SHC4: variants seen among roughly 807,000 people sequenced by gnomAD.
SHC4 encodes the protein SHC adaptor protein 4.
In SHC4, 41 loss-of-function variants were observed where a neutral mutation model predicts 69.4. That is an observed-to-expected ratio of 0.59 (90% confidence interval 0.46 to 0.77). The LOEUF (loss-of-function observed/expected upper bound fraction) is 0.77, where lower values mean the gene tolerates loss of function less well. Among genes scored for constraint, SHC4 ranks in the 30% least tolerant of loss-of-function variants. SHC4 has a pLI of 0.00. For missense variants in SHC4, 777 were observed against 783.8 expected (o/e 0.99, Z 0.10); for synonymous variants, 318 against 299.3 (o/e 1.06, Z -0.64).
chr15:48,865,303 A>G (rs980902834), intron 6 of SHC4, among the ~76,000 whole-genome samples: 1 of 152,240 alleles, frequency 6.6e-6, no homozygotes, highest in Non-Finnish European at 1.5e-5. Flanking sequence ...AGGAGGAGGT[A>G]TGTTGAGAAC....
chr15:48,854,804 C>T (rs1899280544), intron 8 of SHC4, among the ~76,000 whole-genome samples: 1 of 152,164 alleles, frequency 6.6e-6, no homozygotes, highest in Non-Finnish European at 1.5e-5. Flanking sequence ...ACAATTGACA[C>T]TGGCGACCAC....
intron 4 of SHC4, chr15:48,878,347 A>G (rs1899864293): frequency 6.2e-7 from 1 of 1,613,590 alleles, no homozygotes; most frequent in African/African-American, 1.3e-5. Context: ...AGGAAGGCCC[A>G]ATGGAGGAGG....
intron 10 of SHC4, among the ~76,000 whole-genome samples, chr15:48,841,678 A>G (rs942112522): frequency 6.6e-6 from 1 of 152,128 alleles, no homozygotes; most frequent in African/African-American, 2.4e-5. Flanking sequence ...TTGTAGTCCC[A>G]TCTCCCACTC....
chr15:48,845,490 T>C (rs966003270), intron 9 of SHC4, among the ~76,000 whole-genome samples: 4 of 152,200 alleles, frequency 2.6e-5, no homozygotes, highest in Admixed American at 2.0e-4. Flanking sequence ...CTTAGTTAAG[T>C]GGATTTATAA....
intron 6 of SHC4, among the ~76,000 whole-genome samples, chr15:48,863,613 A>G (rs1899495521): frequency 6.6e-6 from 1 of 152,216 alleles, no homozygotes; most frequent in Admixed American, 6.5e-5. Context: ...GTTTGATGCA[A>G]ATGATCAAAT....
intron 4 of SHC4, among the ~76,000 whole-genome samples, chr15:48,876,053 G>A (rs993073920): frequency 2.0e-5 from 3 of 152,208 alleles, no homozygotes; most frequent in African/African-American, 7.2e-5. Context: ...AGTTAAGAGA[G>A]CTGCTTCAGA....
intron 2 of SHC4, among the ~76,000 whole-genome samples, chr15:48,891,923 C>G (rs930770144): frequency 6.6e-5 from 10 of 152,094 alleles, no homozygotes; most frequent in Non-Finnish European, 1.3e-4. Flanking sequence ...GGCGCGATCT[C>G]AGCTCACTGC....
chr15:48,963,698 C>G lies in SHC4; in HGVS notation c.-683G>C, dbSNP rs1901585533. On this transcript the variant is annotated 5_prime_UTR_variant, in exon 1 of 12. Coordinates refer to ENST00000332408, the MANE Select transcript of SHC4 (RefSeq NM_203349.4). ...ACGGGCGCTGCTCCGCATTGTTTCA[C>G]TGACTTGTGATGGGTCCGTGTTCCT... 6.6e-6 allele frequency among the ~76,000 whole-genome samples: 1 copy of G among 152,184 alleles called. No homozygotes were observed. The highest frequency in any genetic ancestry group is 1.9e-4 in the East Asian group (1 of 5,188).
At chr15:48,875,823 C>G (rs1595741160) in intron 4 of SHC4, among the ~76,000 whole-genome samples, 1 of 152,142 alleles carries the variant, frequency 6.6e-6, no homozygotes, top group Non-Finnish European at 1.5e-5. Context: ...GTCTATGCAC[C>G]ATGTCATCCA....
rs550342759 is a variant in SHC4 at position 48,824,908 on chromosome 15, C to T, written c.*1063G>A. On this transcript the variant is annotated 3_prime_UTR_variant, in exon 12 of 12. Transcript: ENST00000332408. Reference sequence around the variant, plus strand: ...GTTGGTCTACATGTGGAAAATCTTTCCAAGTGCTTCATTCAATATGTTTTT... The same window carrying T: ...GTTGGTCTACATGTGGAAAATCTTTTCAAGTGCTTCATTCAATATGTTTTT... 7.3e-6 allele frequency: 1 copy of T among 137,414 alleles called. No homozygotes were observed. The highest frequency in any genetic ancestry group is 2.7e-5 in the African/African-American group (1 of 36,774). 8.5% of individuals were successfully genotyped at this position (137,414 alleles called of 1,614,324 possible).
intron 1 of SHC4, among the ~76,000 whole-genome samples, chr15:48,961,528 C>T (rs1199960388): frequency 6.6e-6 from 1 of 152,204 alleles, no homozygotes; most frequent in Admixed American, 6.5e-5. Flanking sequence ...TACCAGGAAT[C>T]CCCTCCTTTC....
At chr15:48,896,846 A>G (rs1255800933) in intron 2 of SHC4, among the ~76,000 whole-genome samples, 1 of 152,238 alleles carries the variant, frequency 6.6e-6, no homozygotes, top group Non-Finnish European at 1.5e-5. Flanking sequence ...TTGTTCACAA[A>G]GATCTTTTCT....
chr15:48,919,834 C>T (rs1170247444), intron 2 of SHC4, among the ~76,000 whole-genome samples: 1 of 152,046 alleles, frequency 6.6e-6, no homozygotes, highest in Non-Finnish European at 1.5e-5. Context: ...TCAGCCATGC[C>T]TGAATCATGT....
chr15:48,925,441 A>C (rs1900836191), intron 1 of SHC4, among the ~76,000 whole-genome samples: 1 of 152,242 alleles, frequency 6.6e-6, no homozygotes, highest in Non-Finnish European at 1.5e-5. Context: ...GGAAGCAAAA[A>C]TAAATGTGAG....
At chr15:48,848,014 A>C (rs977974228) in intron 9 of SHC4, among the ~76,000 whole-genome samples, 16 of 151,036 alleles carry the variant, frequency 1.1e-4, no homozygotes, top group African/African-American at 1.9e-4. Flanking sequence ...AAAAAAAAAA[A>C]AAACAAAAAA....
intron 1 of SHC4, among the ~76,000 whole-genome samples, chr15:48,953,591 T>C (rs1567078226): frequency 6.6e-6 from 1 of 152,208 alleles, no homozygotes; most frequent in Non-Finnish European, 1.5e-5. Flanking sequence ...AGGTAATTGA[T>C]GCAAGCTTCC....
At chr15:48,834,661 G>A in intron 11 of SHC4, 108 bp downstream of exon 11, 1 of 1,484,726 alleles carries the variant, frequency 6.7e-7, no homozygotes. Context: ...TCCAGAAAAA[G>A]CAAATACTTA....
At chr15:48,866,236 T>C (rs938453555) in intron 6 of SHC4, among the ~76,000 whole-genome samples, 4 of 152,242 alleles carry the variant, frequency 2.6e-5, no homozygotes, top group Non-Finnish European at 5.9e-5. Context: ...TGTTGTGCCC[T>C]GTTCCTACAT....
At chr15:48,962,322 C>G in intron 1 of SHC4, 109 bp downstream of exon 1, 1 of 1,154,888 alleles carries the variant, frequency 8.7e-7, no homozygotes, top group South Asian at 1.7e-5. Flanking sequence ...GAATCATGTC[C>G]TGTCCAAACA....
Sources: gnomAD v4.1 joint callset for allele counts (sites outside exome capture counted in the v4.1 genomes callset) on GRCh38, gnomAD v4.1.1 for gene constraint, MANE v1.5 for transcripts, NCBI Gene and HGNC (gene_info 2026-07-23, HGNC 2026-07-21) for gene names.